Variants in UBAP2 observed in about 807,000 individuals in gnomAD.
UBAP2 encodes the protein ubiquitin associated protein 2.
Under a neutral mutation model 139.6 loss-of-function variants are expected in UBAP2, and 75 were observed. That is an observed-to-expected ratio of 0.54 (90% CI 0.45 to 0.65). The LOEUF (loss-of-function observed/expected upper bound fraction) is 0.65, where lower values mean the gene tolerates loss of function less well. Among genes scored for constraint, UBAP2 ranks in the 30% least tolerant of loss-of-function variants. The pLI, the probability that UBAP2 is intolerant of heterozygous loss-of-function variation, is 0.00. For missense variants in UBAP2, 1,368 were observed against 1,369.6 expected (o/e 1.00, Z 0.02); for synonymous variants, 526 against 526.2 (o/e 1.00, Z 0.01).
Position 34,000,746 on chromosome 9 carries a change from T to C in UBAP2, c.100-1882A>G, listed in dbSNP as rs148502935. The stretch of plus-strand genomic sequence containing the variant: ...ACTGAAGTGGGATAAGTGGGAGTTG[T>C]TGACATTTTTTGCATTTTAAAGCAC... On this transcript the variant is annotated intron_variant, in intron 2 of 28. Coordinates refer to ENST00000379238, the MANE Select transcript of UBAP2 (RefSeq NM_001370062.2). Among the ~76,000 whole-genome samples the C allele has an allele frequency of 9.4e-3, 1,433 of 152,330 alleles. 9 individuals carry two copies. The highest frequency in any genetic ancestry group is 0.014 in the Non-Finnish European group (980 of 68,030).
intron 20 of UBAP2, among the ~76,000 whole-genome samples, chr9:33,927,390 G>C (rs939671938): frequency 1.3e-5 from 2 of 152,172 alleles, no homozygotes; most frequent in Non-Finnish European, 2.9e-5. Context: ...CCTCCAAAGA[G>C]GGCAAGGAAG....
intron 6 of UBAP2, among the ~76,000 whole-genome samples, chr9:33,975,012 A>G (rs1252678336): frequency 1.3e-5 from 2 of 152,316 alleles, no homozygotes; most frequent in East Asian, 3.9e-4. Context: ...AATGACCAAT[A>G]AACACATTAA....
intron 26 of UBAP2, 53 bp from the exon 27 acceptor site, chr9:33,923,086 C>T: frequency 6.2e-7 from 1 of 1,613,362 alleles, no homozygotes; most frequent in East Asian, 2.2e-5. Context: ...CTCCAGGCTC[C>T]CCACCTCCAG....
chr9:34,011,918 T>A (rs1374789160), intron 2 of UBAP2, among the ~76,000 whole-genome samples: 2 of 152,182 alleles, frequency 1.3e-5, no homozygotes, highest in East Asian at 3.8e-4. Flanking sequence ...AAATTTTTTT[T>A]AATTAGAGCT....
At chr9:33,986,374 G>A (rs1821213238) in intron 6 of UBAP2, among the ~76,000 whole-genome samples, 1 of 152,100 alleles carries the variant, frequency 6.6e-6, no homozygotes, top group African/African-American at 2.4e-5. Flanking sequence ...GAGGACTAGA[G>A]CAAAAAGACT....
intron 13 of UBAP2, among the ~76,000 whole-genome samples, chr9:33,945,141 T>TAA (rs11380272): frequency 2.0e-4 from 29 of 143,394 alleles, no homozygotes; most frequent in African/African-American, 2.6e-4. Flanking sequence ...ATCCAAAAAT[T>TAA]AAAAAAAAAA....
chr9:33,977,566 A>T (rs2131082799), intron 6 of UBAP2, among the ~76,000 whole-genome samples: 1 of 152,218 alleles, frequency 6.6e-6, no homozygotes, highest in Non-Finnish European at 1.5e-5. Context: ...CAACGTTTCC[A>T]AAGATTATCA....
At chr9:34,041,181 G>A (rs969104704) in intron 1 of UBAP2, among the ~76,000 whole-genome samples, 4 of 151,996 alleles carry the variant, frequency 2.6e-5, no homozygotes, top group Non-Finnish European at 4.4e-5. Context: ...GGCCGGGCAC[G>A]ATGGCTAACA....
chr9:34,044,134 A>C (rs1340316322), intron 1 of UBAP2, among the ~76,000 whole-genome samples: 1 of 149,576 alleles, frequency 6.7e-6, no homozygotes, highest in Non-Finnish European at 1.5e-5. Flanking sequence ...GCGGTGACTC[A>C]CGCCTGTAAT....
intron 19 of UBAP2, among the ~76,000 whole-genome samples, chr9:33,929,893 A>C (rs950335049): frequency 2.0e-5 from 3 of 152,140 alleles, no homozygotes; most frequent in Admixed American, 6.5e-5. Flanking sequence ...AATCCCAGCT[A>C]CTAGGGAGGC....
At chr9:34,015,568 CT>C (rs1824178065) in intron 2 of UBAP2, among the ~76,000 whole-genome samples, 1 of 152,092 alleles carries the variant, frequency 6.6e-6, no homozygotes, top group Admixed American at 6.6e-5. Flanking sequence ...CTCAGGTGAT[CT>C]GTCCACCTCG....
intron 2 of UBAP2, among the ~76,000 whole-genome samples, chr9:34,012,405 C>T (rs1252089932): frequency 6.6e-6 from 1 of 152,032 alleles, no homozygotes; most frequent in African/African-American, 2.4e-5. Context: ...GTGGCGCATG[C>T]CTATAATCCC....
At chr9:33,995,233 T>G (rs145658062) in intron 4 of UBAP2, 3 of 151,474 alleles carry the variant, frequency 2.0e-5, no homozygotes, top group African/African-American at 7.3e-5. Flanking sequence ...GGCGCATGCC[T>G]GTAGTACTAG....
At chr9:33,944,732 A>T (rs72727350) in intron 13 of UBAP2, 93 bp from the exon 14 acceptor site, 133,574 of 1,396,966 alleles carry the variant, frequency 0.096, 7,581 homozygotes, top group Non-Finnish European at 0.11. Context: ...AATTTCTCCA[A>T]ATCATTTCCA....
intron 6 of UBAP2, among the ~76,000 whole-genome samples, chr9:33,976,912 T>A (rs1828394987): frequency 6.6e-6 from 1 of 151,540 alleles, no homozygotes; most frequent in African/African-American, 2.4e-5. Flanking sequence ...TTAGGGAGGC[T>A]GAGGCAGGAG....
intron 1 of UBAP2, among the ~76,000 whole-genome samples, chr9:34,035,494 T>A (rs1212467758): frequency 3.5e-5 from 2 of 57,622 alleles, no homozygotes; most frequent in Admixed American, 3.8e-4. Flanking sequence ...AGAGCGAGAC[T>A]CCATCTAAAA....
At chr9:33,947,714 A>C (rs1006685985) in intron 13 of UBAP2, among the ~76,000 whole-genome samples, 1 of 151,988 alleles carries the variant, frequency 6.6e-6, no homozygotes, top group African/African-American at 2.4e-5. Context: ...AGTCCCACCT[A>C]CTAGAGAGGC....
intron 8 of UBAP2, among the ~76,000 whole-genome samples, chr9:33,965,233 T>C (rs1404480030): frequency 6.6e-6 from 1 of 152,218 alleles, no homozygotes; most frequent in Admixed American, 6.5e-5. Context: ...CAATCATTAC[T>C]ATCCATTTCT....
rs368771067 is a variant in UBAP2, at chr9:33,944,452, C to A, written c.1458G>T (p.Thr486=). 2.5e-6 allele frequency: 4 copies of A among 1,613,924 alleles called. No individual in the cohort carries two copies. The highest frequency in any genetic ancestry group is 2.2e-5 in the East Asian group (1 of 44,894). The stretch of plus-strand genomic sequence containing the variant: ...CAGACACAGAGATATTTTCAATGGT[C>A]GTGCTGGGAAGCTGCAAAAGCTTGT... ...TVNKLLQLPS[T]TIENISVSVH... Residue 486 remains threonine (T), a synonymous_variant, in exon 14 of 29, where the codon ACG becomes ACT. Coordinates refer to ENST00000379238, the MANE Select transcript of UBAP2 (RefSeq NM_001370062.2).
Sources: allele counts gnomAD v4.1 joint callset (sites outside exome capture counted in the v4.1 genomes callset), GRCh38; gene constraint gnomAD v4.1.1; transcripts MANE v1.5; gene names NCBI Gene and HGNC (gene_info 2026-07-23, HGNC 2026-07-21).